Variants in PCDH11X observed in about 807,000 individuals in gnomAD.
The protein encoded by PCDH11X is protocadherin-11 X-linked.
PCDH11X carries 18 observed loss-of-function variants against 53.3 expected under a neutral mutation model. The observed-to-expected ratio is 0.34, with a 90% CI of 0.23 to 0.50. The LOEUF (loss-of-function observed/expected upper bound fraction) is 0.50. Among genes scored for constraint, PCDH11X ranks in the 20% least tolerant of loss-of-function variants. PCDH11X has a pLI of 0.98. For missense variants in PCDH11X, 570 were observed against 1,032.4 expected, an observed-to-expected ratio of 0.55 and a Z score of 6.14; for synonymous variants, 279 against 393.3, an observed-to-expected ratio of 0.71 and a Z score of 3.44.
intron 6 of PCDH11X, among the ~76,000 whole-genome samples, chrX:92,181,958 G>A (rs2066004244): frequency 8.9e-6 from 1 of 112,243 alleles, no homozygotes; most frequent in African/African-American, 3.2e-5. Context: ...GTTGCCTAGT[G>A]GAGCTGTTAG....
At chrX:92,278,368 C>T (rs908099744) in intron 8 of PCDH11X, among the ~76,000 whole-genome samples, 14 of 111,811 alleles carry the variant, frequency 1.3e-4, no homozygotes, top group South Asian at 3.7e-4. Context: ...AAATTTCATG[C>T]GTGTCCGTGT....
At chrX:91,822,106 G>A (rs1335247241) in intron 4 of PCDH11X, among the ~76,000 whole-genome samples, 1 of 109,789 alleles carries the variant, frequency 9.1e-6, no homozygotes, top group African/African-American at 3.4e-5. Flanking sequence ...TTGCATCAAT[G>A]TTCATCAAGG....
chrX:91,817,600 C>A (rs910617816), intron 4 of PCDH11X, among the ~76,000 whole-genome samples: 1 of 111,014 alleles, frequency 9.0e-6, no homozygotes, highest in African/African-American at 3.3e-5. Flanking sequence ...AAGTCCTTAG[C>A]CTTATTGGAC....
At chrX:92,369,247 C>T (rs2070553325) in intron 8 of PCDH11X, among the ~76,000 whole-genome samples, 1 of 109,010 alleles carries the variant, frequency 9.2e-6, no homozygotes, top group South Asian at 3.9e-4. Flanking sequence ...GCAGTCTGGC[C>T]ACAGCCGCTT....
intron 10 of PCDH11X, among the ~76,000 whole-genome samples, chrX:92,568,290 C>T (rs1293499271): frequency 3.7e-5 from 4 of 109,399 alleles, no homozygotes; most frequent in Non-Finnish European, 7.6e-5. Flanking sequence ...GGCGTGGTGG[C>T]GGGCGCCTGT....
intron 10 of PCDH11X, among the ~76,000 whole-genome samples, chrX:92,537,271 TGGCC>T (rs775781133): frequency 2.0e-4 from 22 of 109,225 alleles, no homozygotes; most frequent in African/African-American, 7.3e-4. Context: ...TAAGAAATTT[TGGCC>T]CAGACCAATG....
chrX:92,415,918 A>G (rs2071799451), intron 9 of PCDH11X, among the ~76,000 whole-genome samples: 1 of 111,980 alleles, frequency 8.9e-6, no homozygotes, highest in Non-Finnish European at 1.9e-5. Flanking sequence ...TTGAAGATTT[A>G]TATTATTAGG....
chrX:92,331,319 C>CT (rs1369843764), intron 8 of PCDH11X, among the ~76,000 whole-genome samples: 52 of 28,677 alleles, frequency 1.8e-3, no homozygotes, highest in African/African-American at 4.2e-3. Context: ...CTTCTTCTTC[C>CT]TCTTCTTCTT....
At chrX:92,349,866 G>T in intron 8 of PCDH11X, among the ~76,000 whole-genome samples, 1 of 107,913 alleles carries the variant, frequency 9.3e-6, no homozygotes, top group African/African-American at 3.4e-5. Flanking sequence ...GGTAAGGTAG[G>T]CTGGGCTAAG....
At chrX:92,166,101 A>C (rs1288034153) in intron 6 of PCDH11X, among the ~76,000 whole-genome samples, 2 of 110,418 alleles carry the variant, frequency 1.8e-5, no homozygotes, top group Non-Finnish European at 3.8e-5. Flanking sequence ...AGTGTACAGT[A>C]ATATTAATAT....
chrX:92,261,910 A>G (rs2067723805), intron 7 of PCDH11X, among the ~76,000 whole-genome samples: 1 of 111,610 alleles, frequency 9.0e-6, no homozygotes, highest in East Asian at 2.8e-4. Flanking sequence ...ATTAAATTCT[A>G]TCATTGAGCC....
At chrX:91,843,721 A>G (rs750304815) in intron 5 of PCDH11X, among the ~76,000 whole-genome samples, 2 of 110,691 alleles carry the variant, frequency 1.8e-5, no homozygotes, top group Admixed American at 1.9e-4. Context: ...TTAAAATTTT[A>G]TATCTATTTT....
At chrX:92,235,742 A>C (rs1011208056) in intron 7 of PCDH11X, among the ~76,000 whole-genome samples, 6 of 111,519 alleles carry the variant, frequency 5.4e-5, no homozygotes, top group Admixed American at 4.8e-4. Flanking sequence ...CAATGGGATC[A>C]TGTTGAGAAG....
intron 6 of PCDH11X, among the ~76,000 whole-genome samples, chrX:91,914,808 T>C (rs1395115283): frequency 8.9e-6 from 1 of 111,815 alleles, no homozygotes; most frequent in Non-Finnish European, 1.9e-5. Flanking sequence ...ATCTAAAAAT[T>C]TGGAAAACTT....
chrX:92,079,249 G>A (rs144155820), intron 6 of PCDH11X, among the ~76,000 whole-genome samples: 1,575 of 111,623 alleles, frequency 0.014, 27 homozygotes, highest in African/African-American at 0.048. Context: ...TGCAAATGCC[G>A]CTACTCTCTA....
At chrX:92,110,111 T>A (rs913339551) in intron 6 of PCDH11X, among the ~76,000 whole-genome samples, 1 of 112,088 alleles carries the variant, frequency 8.9e-6, no homozygotes, top group Non-Finnish European at 1.9e-5. Flanking sequence ...ATCAATCATA[T>A]ATTTAAAAGG....
At chrX:92,604,671 A>C (rs1926598278) in intron 10 of PCDH11X, among the ~76,000 whole-genome samples, 1 of 111,276 alleles carries the variant, frequency 9.0e-6, no homozygotes, top group Non-Finnish European at 1.9e-5. Flanking sequence ...TCAGAATACA[A>C]AATAAGATCT....
chrX:92,514,579 A>C (rs1365309408), intron 10 of PCDH11X, among the ~76,000 whole-genome samples: 1 of 105,386 alleles, frequency 9.5e-6, no homozygotes, highest in Non-Finnish European at 1.9e-5. Flanking sequence ...AAAATACAAA[A>C]AAATAGCTGG....
At position 92,428,472 on chromosome X, in the gene PCDH11X, T is replaced by C. The variant is rs191700118; in HGVS notation, c.3344-39827T>C. Among the ~76,000 whole-genome samples the C allele has an allele frequency of 5.0e-3, 560 of 110,962 alleles. 11 individuals are homozygous for C. In the South Asian group the frequency reaches 0.062, roughly 12 times the overall value. On this transcript the variant is annotated intron_variant, in intron 9 of 10. Coordinates refer to ENST00000682573, the MANE Select transcript of PCDH11X (RefSeq NM_032968.5). The stretch of plus-strand genomic sequence containing the variant: ...GTGTCCCTCTTTATTTCCTTCTGTG[T>C]CTTTGATATTCCAGGCAAAACTCTT...
Sources: gnomAD v4.1 joint callset for allele counts (sites outside exome capture counted in the v4.1 genomes callset) on GRCh38, gnomAD v4.1.1 for gene constraint, MANE v1.5 for transcripts, NCBI Gene and HGNC (gene_info 2026-07-23, HGNC 2026-07-21) for gene names.